Variants in CALR3 observed in about 807,000 individuals in gnomAD.
CALR3 encodes the protein calreticulin 3.
A neutral mutation model predicts 48.7 loss-of-function variants in CALR3; 39 were observed. The observed-to-expected ratio is 0.80, with a 90% confidence interval of 0.62 to 1.05. The LOEUF (loss-of-function observed/expected upper bound fraction) is 1.05. CALR3 is among the 50% of genes least tolerant of loss of function. The probability of loss-of-function intolerance (pLI) is 0.00; values close to 1 mark genes in which losing one functional copy is unlikely to be tolerated. For missense variants in CALR3, 449 were observed against 474.7 expected (o/e 0.95, Z 0.50); for synonymous variants, 185 against 172.7 (o/e 1.07, Z -0.56).
chr19:16,494,822 C>T (rs2093403693), intron 2 of CALR3, among the ~76,000 whole-genome samples: 2 of 152,050 alleles, frequency 1.3e-5, no homozygotes, highest in South Asian at 4.2e-4. Context: ...TAAATATAAT[C>T]CAAAGAAGGT....
chr19:16,491,777 C>CA (rs1014444272), intron 2 of CALR3, among the ~76,000 whole-genome samples: 13 of 142,946 alleles, frequency 9.1e-5, no homozygotes, highest in South Asian at 6.7e-4. Context: ...ACTCCGTCTC[C>CA]AAAAAAAAAA....
chr19:16,480,721 A>T lies in CALR3; in HGVS notation c.919-15T>A. The T allele has an allele frequency of 6.6e-7, 1 of 1,522,008 alleles. No individual in the cohort carries two copies. The highest frequency in any genetic ancestry group is 1.1e-5 in the South Asian group (1 of 88,944). 94.3% of individuals were successfully genotyped at this position (1,522,008 alleles called of 1,614,324 possible). A position where few individuals can be genotyped will look rare whatever the true frequency, so the allele number is the denominator to read the frequency against. ...CCAGATCTCACCTGCAGATGAAAAT[A>T]AGGCCTTCATTATTATGCTTTTATT... On this transcript the variant is annotated splice_polypyrimidine_tract_variant and intron_variant, in intron 7 of 8. Coordinates refer to ENST00000269881, the MANE Select transcript of CALR3 (RefSeq NM_145046.5).
chr19:16,482,900 G>A (rs1473299850), intron 5 of CALR3, 115 bp from the exon 6 acceptor site: 30 of 958,888 alleles, frequency 3.1e-5, no homozygotes, highest in South Asian at 3.1e-4. Context: ...GCTGGAGTGC[G>A]GTTGTGCAAT....
At chr19:16,481,413 G>A (rs565180841) in intron 7 of CALR3, among the ~76,000 whole-genome samples, 3 of 150,934 alleles carry the variant, frequency 2.0e-5, no homozygotes, top group South Asian at 2.1e-4. Context: ...TTCCTTAAAC[G>A]TGGCTGCACA....
intron 2 of CALR3, among the ~76,000 whole-genome samples, chr19:16,493,161 G>A (rs1024190832): frequency 6.6e-6 from 1 of 152,184 alleles, no homozygotes; most frequent in Admixed American, 6.5e-5. Flanking sequence ...TTTGGCAAAT[G>A]ACTAGGACAA....
In CALR3 at chr19:16,496,132, G is replaced by A. The variant is rs559213492; in HGVS notation, c.-3C>T. The A allele has an allele frequency of 6.3e-7, 1 of 1,597,306 alleles. No homozygotes were observed. The highest frequency in any genetic ancestry group is 1.1e-5 in the South Asian group (1 of 88,652). ...AGCTGGACCAAAGCCCGGGCCATGG[G>A]GGTGTGCACTGCGCTTCCGGTCGCC... is the stretch of plus-strand genomic sequence containing the variant. On this transcript the variant is annotated 5_prime_UTR_variant, in exon 1 of 9. Coordinates refer to ENST00000269881, the MANE Select transcript of CALR3 (RefSeq NM_145046.5).
At position 16,480,704 on chromosome 19, in the gene CALR3, C is replaced by T. The variant is rs2093379423; in HGVS notation, c.921G>A (p.Val307=). Residue 307 remains valine, a splice_region_variant and synonymous_variant, in exon 8 of 9, where the codon GTG becomes GTA. Transcript: ENST00000269881. ...AGTTATCAAAAATGGTTCCAGATCT[C>T]ACCTGCAGATGAAAATAAGGCCTTC... ...IGAIGLELWQ[V]RSGTIFDNFL... 1 of 1,604,348 alleles carries T rather than the reference C, an allele frequency of 6.2e-7. No individual in the cohort carries two copies. Among genetic ancestry groups the T allele is most frequent in the African/African-American group, 1.3e-5 (1 of 74,740 alleles).
At chr19:16,480,449 G>T (rs1247461815) in intron 8 of CALR3, among the ~76,000 whole-genome samples, 165 bp downstream of exon 8, 1 of 151,916 alleles carries the variant, frequency 6.6e-6, no homozygotes, top group Admixed American at 6.6e-5. Flanking sequence ...CTACTTGGGA[G>T]TCTGAGGCAG....
chr19:16,490,012 T>C (rs12982931), intron 3 of CALR3, among the ~76,000 whole-genome samples: 128,357 of 152,094 alleles, frequency 0.84, 54,302 homozygotes, highest in South Asian at 0.89. Flanking sequence ...ATTAGCGTTG[T>C]TCAACCAGTA....
intron 2 of CALR3, among the ~76,000 whole-genome samples, chr19:16,495,428 G>A (rs191477877): frequency 9.3e-5 from 14 of 151,316 alleles, no homozygotes; most frequent in Admixed American, 6.6e-4. Flanking sequence ...TCATGGTGGC[G>A]CGCGCCTGTA....
Position 16,495,800 on chromosome 19 carries a change from A to G in CALR3, c.144T>C (p.His48=). The part of the protein sequence containing the change: ...LQSTNDSRFG[H]FRLSSGKFYG... Reference sequence around the variant, plus strand: ...AAAACTTGCCCGACGAAAGTCTAAAATGCCCAAATCGGGAGTCATTGGTGG... The same window carrying G: ...AAAACTTGCCCGACGAAAGTCTAAAGTGCCCAAATCGGGAGTCATTGGTGG... The change falls in exon 2 of 9, where the codon CAT becomes CAC. Residue 48 remains histidine, a synonymous_variant. Transcript: ENST00000269881. 6.2e-7 allele frequency: 1 copy of G among 1,614,206 alleles called. No individual in the cohort carries two copies. Among genetic ancestry groups the G allele is most frequent in the South Asian group, 1.1e-5 (1 of 91,086 alleles).
chr19:16,493,146 T>C (rs2093400594), intron 2 of CALR3, among the ~76,000 whole-genome samples: 1 of 152,222 alleles, frequency 6.6e-6, no homozygotes, highest in African/African-American at 2.4e-5. Flanking sequence ...TCCTCATTGT[T>C]CTTGTTTGGC....
chr19:16,488,168 C>T (rs1335109308), intron 3 of CALR3, among the ~76,000 whole-genome samples: 1 of 152,054 alleles, frequency 6.6e-6, no homozygotes, highest in African/African-American at 2.4e-5. Context: ...AAGCTGGTCT[C>T]GAACTCCCGA....
At chr19:16,490,628 G>A (rs1296054458) in intron 2 of CALR3, 58 bp from the exon 3 acceptor site, 26 of 1,451,190 alleles carry the variant, frequency 1.8e-5, no homozygotes, top group Non-Finnish European at 1.5e-5. Flanking sequence ...AGTAACGCAG[G>A]AAGTTAAATC....
chr19:16,484,308 G>T (rs1366194872), intron 4 of CALR3, among the ~76,000 whole-genome samples, 193 bp from the exon 5 acceptor site: 1 of 151,022 alleles, frequency 6.6e-6, no homozygotes, highest in African/African-American at 2.4e-5. Context: ...CTCCTGAGAA[G>T]CTGGGATTAC....
chr19:16,479,189 C>G lies in CALR3; in HGVS notation c.1097G>C (p.Gly366Ala). Residue 366 changes from glycine (G) to alanine (A), a missense_variant, in exon 9 of 9, where the codon GGA becomes GCA. Coordinates refer to ENST00000269881, the MANE Select transcript of CALR3 (RefSeq NM_145046.5). Reference sequence around the variant, plus strand: ...GTAATGTTCGTGCCTGTTAATTTTTCCCGACAGCAGCTCTTCCTCCTCTTC... The same window carrying G: ...GTAATGTTCGTGCCTGTTAATTTTTGCCGACAGCAGCTCTTCCTCCTCTTC... ...REEEEEELLS[G>A]KINRHEHYFN... 2 of 1,614,120 alleles carry G rather than the reference C, an allele frequency of 1.2e-6. No homozygotes were observed. The highest frequency in any genetic ancestry group is 1.7e-6 in the Non-Finnish European group (2 of 1,180,038).
At chr19:16,492,473 G>A (rs1055017117) in intron 2 of CALR3, among the ~76,000 whole-genome samples, 2 of 152,060 alleles carry the variant, frequency 1.3e-5, no homozygotes, top group Non-Finnish European at 2.9e-5. Flanking sequence ...GCTCACGCCT[G>A]TAATTCCAAC....
chr19:16,482,147 A>G (rs1256022667), intron 7 of CALR3, among the ~76,000 whole-genome samples: 1 of 151,142 alleles, frequency 6.6e-6, no homozygotes, highest in East Asian at 1.9e-4. Flanking sequence ...TGACCTTGTG[A>G]TCCACCCGCC....
chr19:16,490,248 C>G, intron 3 of CALR3, 119 bp downstream of exon 3: 1 of 833,722 alleles, frequency 1.2e-6, no homozygotes, highest in Non-Finnish European at 2.0e-6. Flanking sequence ...AACCTTGGAT[C>G]CGATATACTC....
Sources: gnomAD v4.1 joint callset for allele counts (sites outside exome capture counted in the v4.1 genomes callset) on GRCh38, gnomAD v4.1.1 for gene constraint, MANE v1.5 for transcripts, NCBI Gene and HGNC (gene_info 2026-07-23, HGNC 2026-07-21) for gene names.